ST8SIA6: variants seen among roughly 807,000 people sequenced by gnomAD.
The protein encoded by ST8SIA6 is ST8 alpha-N-acetyl-neuraminide alpha-2,8-sialyltransferase 6.
Under a neutral mutation model 33.6 loss-of-function variants are expected in ST8SIA6, and 39 were observed. That is an observed-to-expected ratio of 1.16 (90% CI 0.90 to 1.52). The LOEUF (loss-of-function observed/expected upper bound fraction) is 1.52. Ranked by LOEUF, ST8SIA6 falls within the 40% of genes most tolerant of loss-of-function variation. The pLI, the probability that ST8SIA6 is intolerant of heterozygous loss-of-function variation, is 0.00. For synonymous variants in ST8SIA6, 172 were observed against 167.2 expected (o/e 1.03, Z -0.22); for missense variants, 441 against 443.8 (o/e 0.99, Z 0.06).
intron 2 of ST8SIA6, among the ~76,000 whole-genome samples, chr10:17,406,034 G>A (rs1022566239): frequency 3.9e-5 from 6 of 152,194 alleles, no homozygotes; most frequent in African/African-American, 1.4e-4. Flanking sequence ...AGTCATTGGA[G>A]TGGAGACCCT....
At position 17,319,068 on chromosome 10, in the gene ST8SIA6, C is replaced by G. The variant is rs1394491346; in HGVS notation, c.*1810G>C. ...AACAATGGCCAACAACCCCAATCTG[C>G]TGTGAAATCACAACTATAGACCCAC... On this transcript the variant is annotated 3_prime_UTR_variant, in exon 8 of 8. Coordinates refer to ENST00000377602, the MANE Select transcript of ST8SIA6 (RefSeq NM_001004470.3). Among the ~76,000 whole-genome samples, 1 of 152,124 alleles carries G rather than the reference C, an allele frequency of 6.6e-6. No individual in the cohort carries two copies. Among genetic ancestry groups the G allele is most frequent in the South Asian group, 2.1e-4 (1 of 4,826 alleles).
intron 4 of ST8SIA6, among the ~76,000 whole-genome samples, chr10:17,340,621 G>A (rs549601013): frequency 6.6e-6 from 1 of 152,286 alleles, no homozygotes; most frequent in African/African-American, 2.4e-5. Flanking sequence ...TTCTATAGAA[G>A]TAAAATTGCC....
At chr10:17,405,123 AC>A (rs1251429300) in intron 2 of ST8SIA6, among the ~76,000 whole-genome samples, 2 of 152,146 alleles carry the variant, frequency 1.3e-5, no homozygotes, top group Non-Finnish European at 2.9e-5. Context: ...CAGTTTTCTC[AC>A]TGATAATTTA....
At position 17,425,465 on chromosome 10, in the gene ST8SIA6, G is replaced by A. The variant is rs149608426; in HGVS notation, c.200+28094C>T. On this transcript the variant is annotated intron_variant, in intron 2 of 7. Transcript: ENST00000377602. ...GCCTGTAATCCCAGCTACTTGAGAGGCTGAGGTGGGAGAAATGCTTGAAAC... is the reference window on the plus strand; with the variant it reads ...GCCTGTAATCCCAGCTACTTGAGAGACTGAGGTGGGAGAAATGCTTGAAAC... Among the ~76,000 whole-genome samples the A allele has an allele frequency of 1.5e-3, 230 of 152,242 alleles. 2 individuals are homozygous for A. The East Asian group carries it at 0.031, about 21-fold the overall frequency.
intron 4 of ST8SIA6, among the ~76,000 whole-genome samples, chr10:17,350,251 G>T (rs1848986115): frequency 6.6e-6 from 1 of 152,210 alleles, no homozygotes; most frequent in African/African-American, 2.4e-5. Flanking sequence ...GGTATAGACA[G>T]CTCCTTCCAG....
intron 4 of ST8SIA6, among the ~76,000 whole-genome samples, chr10:17,333,716 T>C (rs1564405138): frequency 1.0e-4 from 5 of 48,904 alleles, no homozygotes; most frequent in South Asian, 6.3e-4. Flanking sequence ...TATATATATA[T>C]ATTTTTTTTT....
intron 2 of ST8SIA6, among the ~76,000 whole-genome samples, chr10:17,397,214 CG>C (rs1850838291): frequency 7.0e-6 from 1 of 143,318 alleles, no homozygotes; most frequent in Non-Finnish European, 1.5e-5. Context: ...GGGGTTGTGT[CG>C]TTTGCAAATT....
intron 4 of ST8SIA6, among the ~76,000 whole-genome samples, chr10:17,359,157 A>G (rs1588836617): frequency 6.6e-6 from 1 of 152,220 alleles, no homozygotes; most frequent in East Asian, 1.9e-4. Context: ...ATTAGAGATT[A>G]TGTTTTCCAA....
rs893957543 is a variant in ST8SIA6, at chr10:17,320,861, A to C, written c.*17T>G. ...ACTGCATTATATTAAAATTATTCCCATTTTAAGATACTTTGTTTAGGCGAC... is the reference window on the plus strand; with the variant it reads ...ACTGCATTATATTAAAATTATTCCCCTTTTAAGATACTTTGTTTAGGCGAC... On this transcript the variant is annotated 3_prime_UTR_variant, in exon 8 of 8. Transcript: ENST00000377602. 9 of 1,609,594 alleles carry C rather than the reference A, an allele frequency of 5.6e-6. No individual in the cohort carries two copies. Among genetic ancestry groups the C allele is most frequent in the Non-Finnish European group, 7.7e-6 (9 of 1,176,418 alleles).
intron 4 of ST8SIA6, among the ~76,000 whole-genome samples, chr10:17,348,440 C>T (rs572615599): frequency 2.6e-5 from 4 of 152,122 alleles, no homozygotes; most frequent in Non-Finnish European, 5.9e-5. Context: ...TCATGAACTT[C>T]AATTTACCAG....
chr10:17,423,208 G>A (rs1039722878), intron 2 of ST8SIA6, among the ~76,000 whole-genome samples: 2 of 152,068 alleles, frequency 1.3e-5, no homozygotes, highest in African/African-American at 2.4e-5. Flanking sequence ...TTCCAAACAC[G>A]TACTAAAACA....
intron 7 of ST8SIA6, among the ~76,000 whole-genome samples, chr10:17,321,634 C>T (rs556381588): frequency 2.0e-5 from 3 of 152,160 alleles, no homozygotes; most frequent in South Asian, 4.1e-4. Flanking sequence ...TATTCTTATT[C>T]GTTAATTTTT....
At chr10:17,435,739 G>C (rs1317513703) in intron 2 of ST8SIA6, among the ~76,000 whole-genome samples, 4 of 151,890 alleles carry the variant, frequency 2.6e-5, no homozygotes, top group African/African-American at 9.7e-5. Flanking sequence ...GGCAATACAA[G>C]AAATCTGAAT....
At chr10:17,412,053 C>G (rs771966188) in intron 2 of ST8SIA6, among the ~76,000 whole-genome samples, 1 of 152,058 alleles carries the variant, frequency 6.6e-6, no homozygotes, top group Non-Finnish European at 1.5e-5. Flanking sequence ...TCTTGCCTCC[C>G]TAGCCTGCCC....
At chr10:17,345,730 TGAAGGG>T (rs1848813445) in intron 4 of ST8SIA6, among the ~76,000 whole-genome samples, 1 of 152,144 alleles carries the variant, frequency 6.6e-6, no homozygotes, top group Non-Finnish European at 1.5e-5. Context: ...GGCAAAGCAT[TGAAGGG>T]TCTTATTTAT....
intron 3 of ST8SIA6, among the ~76,000 whole-genome samples, chr10:17,375,508 T>C (rs912138534): frequency 6.6e-6 from 1 of 152,180 alleles, no homozygotes; most frequent in Admixed American, 6.5e-5. Context: ...GCCTCCCGAG[T>C]AGCAACTTTA....
chr10:17,334,553 T>TA (rs1554786009), intron 4 of ST8SIA6, among the ~76,000 whole-genome samples: 2 of 143,172 alleles, frequency 1.4e-5, no homozygotes, highest in Admixed American at 1.4e-4. Flanking sequence ...AAAAAAAAAA[T>TA]TATTATTATT....
intron 2 of ST8SIA6, among the ~76,000 whole-genome samples, chr10:17,422,909 T>C (rs942741230): frequency 2.6e-5 from 4 of 152,200 alleles, no homozygotes; most frequent in Non-Finnish European, 5.9e-5. Context: ...AGGATAGAAA[T>C]TATTGAACAA....
At chr10:17,391,220 AT>A in intron 2 of ST8SIA6, among the ~76,000 whole-genome samples, 1 of 151,938 alleles carries the variant, frequency 6.6e-6, no homozygotes, top group African/African-American at 2.4e-5. Flanking sequence ...TGAACAAGTT[AT>A]TTAATAGTTT....
Sources: allele counts gnomAD v4.1 joint callset (sites outside exome capture counted in the v4.1 genomes callset), GRCh38; gene constraint gnomAD v4.1.1; transcripts MANE v1.5; gene names NCBI Gene and HGNC (gene_info 2026-07-23, HGNC 2026-07-21).